The following LRP1B variants were observed in gnomAD, a reference collection of about 807,000 sequenced individuals.
The protein encoded by LRP1B is low-density lipoprotein receptor-related protein 1B.
Under a neutral mutation model 556.6 loss-of-function variants are expected in LRP1B, and 217 were observed. That is an observed-to-expected ratio of 0.39 (90% CI 0.35 to 0.44). The LOEUF (loss-of-function observed/expected upper bound fraction) is 0.44, where lower values mean the gene tolerates loss of function less well. Among genes scored for constraint, LRP1B ranks in the 20% least tolerant of loss-of-function variants. The pLI is 1.00. For synonymous variants in LRP1B, 2,047 were observed against 1,865.8 expected, an observed-to-expected ratio of 1.10 and a Z score of -2.50; for missense variants, 5,053 against 5,620.8, an observed-to-expected ratio of 0.90 and a Z score of 3.23.
rs147849835 is a variant in LRP1B at position 140,351,346 on chromosome 2, G to T, written c.11651-308C>A. Among the ~76,000 whole-genome samples the T allele has an allele frequency of 1.8e-3, 275 of 151,850 alleles. 1 individual carries two copies. Among genetic ancestry groups the T allele is most frequent in the African/African-American group, 6.3e-3 (260 of 41,450 alleles). On this transcript the variant is annotated intron_variant, in intron 76 of 90. Coordinates refer to ENST00000389484, the MANE Select transcript of LRP1B (RefSeq NM_018557.3). ...TATTTGATAAGTCACAATACACTAG[G>T]TTATAATGCATCAATTGTCAATATC... is the stretch of plus-strand genomic sequence containing the variant.
chr2:141,754,966 T>C (rs1160550111), intron 2 of LRP1B, among the ~76,000 whole-genome samples: 1 of 152,046 alleles, frequency 6.6e-6, no homozygotes, highest in Non-Finnish European at 1.5e-5. Context: ...TATTTTGATA[T>C]AAGATAACCC....
intron 7 of LRP1B, among the ~76,000 whole-genome samples, chr2:141,077,576 T>G (rs1378315049): frequency 6.6e-6 from 1 of 152,198 alleles, no homozygotes; most frequent in Non-Finnish European, 1.5e-5. Context: ...TCGGCTGCCT[T>G]TAAGTAAAGA....
intron 41 of LRP1B, among the ~76,000 whole-genome samples, chr2:140,652,440 T>C (rs1164676956): frequency 1.3e-5 from 2 of 152,056 alleles, no homozygotes; most frequent in Admixed American, 6.5e-5. Flanking sequence ...AAAAGCATAT[T>C]ATCAGAAAAA....
At chr2:140,405,793 A>G (rs550661982) in intron 66 of LRP1B, among the ~76,000 whole-genome samples, 40 of 152,284 alleles carry the variant, frequency 2.6e-4, no homozygotes, top group African/African-American at 9.4e-4. Context: ...TACCAATCCT[A>G]TGAAACTACA....
At chr2:140,852,606 G>A (rs1466131596) in intron 27 of LRP1B, among the ~76,000 whole-genome samples, 3 of 152,116 alleles carry the variant, frequency 2.0e-5, no homozygotes, top group East Asian at 1.9e-4. Flanking sequence ...GTGAAGAAAT[G>A]TCTGTCTGCC....
intron 3 of LRP1B, among the ~76,000 whole-genome samples, chr2:141,376,817 A>C (rs1279091080): frequency 6.6e-6 from 1 of 152,154 alleles, no homozygotes; most frequent in Admixed American, 6.5e-5. Flanking sequence ...CAGACTATAA[A>C]AACATTTAAA....
intron 2 of LRP1B, among the ~76,000 whole-genome samples, chr2:141,556,208 G>T (rs1685956524): frequency 6.6e-6 from 1 of 151,874 alleles, no homozygotes; most frequent in South Asian, 2.1e-4. Flanking sequence ...AGGTAAAAAT[G>T]GAGACAATTA....
intron 1 of LRP1B, among the ~76,000 whole-genome samples, chr2:141,875,364 A>G (rs1244212670): frequency 1.3e-5 from 2 of 151,886 alleles, no homozygotes; most frequent in Non-Finnish European, 2.9e-5. Context: ...TCTAAGTCAC[A>G]TATAGACTTG....
chr2:141,820,294 T>C (rs1696711023), intron 1 of LRP1B, among the ~76,000 whole-genome samples: 1 of 152,238 alleles, frequency 6.6e-6, no homozygotes, highest in Admixed American at 6.5e-5. Context: ...GGATAAAATG[T>C]ACTATCTTAA....
chr2:140,340,506 T>C (rs879547330), intron 77 of LRP1B, among the ~76,000 whole-genome samples: 9 of 151,590 alleles, frequency 5.9e-5, no homozygotes, highest in Non-Finnish European at 1.2e-4. Context: ...TCCTTCCTTA[T>C]TTCCAGGTCA....
At chr2:141,605,416 C>T (rs1038397935) in intron 2 of LRP1B, among the ~76,000 whole-genome samples, 1 of 151,634 alleles carries the variant, frequency 6.6e-6, no homozygotes, top group African/African-American at 2.4e-5. Flanking sequence ...TGAGTGGATT[C>T]ATCATGGTTA....
At chr2:140,827,410 C>T (rs1254348511) in intron 31 of LRP1B, among the ~76,000 whole-genome samples, 2 of 151,796 alleles carry the variant, frequency 1.3e-5, no homozygotes, top group Non-Finnish European at 2.9e-5. Context: ...GAGAAAGTAA[C>T]AAATAATAAA....
chr2:140,316,448 C>A (rs1684522552), intron 82 of LRP1B, among the ~76,000 whole-genome samples: 1 of 152,080 alleles, frequency 6.6e-6, no homozygotes, highest in Admixed American at 6.6e-5. Context: ...CAGTGCCATA[C>A]AATTCTGAGA....
In LRP1B at chr2:141,015,800, A is replaced by G; in HGVS notation, c.2086T>C (p.Trp696Arg). 6.2e-7 allele frequency: 1 copy of G among 1,613,576 alleles called. No homozygotes were observed. Among genetic ancestry groups the G allele is most frequent in the Non-Finnish European group, 8.5e-7 (1 of 1,179,718 alleles). Residue 696 changes from tryptophan to arginine, a missense_variant, in exon 13 of 91, where the codon TGG becomes CGG. This residue lies in a region of LRP1B where 3,619 missense variants were observed against 3,931.9 expected (regional missense o/e 0.92). Transcript: ENST00000389484. ...AAGTCCAGAGTTAAACCGTTTGGCC[A>G]CAGCATCTTTGAAGTCACAAAAATC... is the stretch of plus-strand genomic sequence containing the variant. ...RQIFVTSKML[W>R]PNGLTLDFHT... is the part of the protein sequence containing the mutation.
At chr2:141,556,239 T>C (rs1020499901) in intron 2 of LRP1B, among the ~76,000 whole-genome samples, 2 of 151,864 alleles carry the variant, frequency 1.3e-5, no homozygotes, top group Non-Finnish European at 2.9e-5. Flanking sequence ...CTTGTAAGAA[T>C]GTACGGGCAT....
chr2:141,918,555 T>A (rs540572045), intron 1 of LRP1B, among the ~76,000 whole-genome samples: 5 of 152,198 alleles, frequency 3.3e-5, no homozygotes, highest in African/African-American at 9.6e-5. Context: ...CTTTTAAAAA[T>A]TCACTCTTTG....
intron 41 of LRP1B, among the ~76,000 whole-genome samples, chr2:140,614,201 T>C (rs1683179955): frequency 6.6e-6 from 1 of 152,148 alleles, no homozygotes; most frequent in South Asian, 2.1e-4. Context: ...AAGTTGACTT[T>C]AGTTTATGCT....
At chr2:142,044,071 A>G (rs1704160595) in intron 1 of LRP1B, among the ~76,000 whole-genome samples, 1 of 151,758 alleles carries the variant, frequency 6.6e-6, no homozygotes, top group Admixed American at 6.6e-5. Context: ...TATGTCTATC[A>G]CAATTATTTT....
chr2:141,125,868 A>T (rs1426133019), intron 7 of LRP1B, among the ~76,000 whole-genome samples: 3 of 149,456 alleles, frequency 2.0e-5, no homozygotes, highest in East Asian at 3.9e-4. Flanking sequence ...AAAACAAAAA[A>T]CCTCCACTAA....
Sources: allele counts gnomAD v4.1 joint callset (sites outside exome capture counted in the v4.1 genomes callset), GRCh38; gene constraint gnomAD v4.1.1; regional missense constraint gnomAD v4.1.1; transcripts MANE v1.5; gene names NCBI Gene and HGNC (gene_info 2026-07-23, HGNC 2026-07-21).